Variants in STATH observed in about 807,000 individuals in gnomAD.
STATH encodes the protein statherin.
STATH carries 11 observed loss-of-function variants against 13.3 expected under a neutral mutation model. The ratio of observed to expected loss-of-function variants is 0.83; its 90% CI spans 0.52 to 1.37. The LOEUF is 1.37. Ranked by LOEUF, STATH falls within the 40% of genes most tolerant of loss-of-function variation. The pLI is 0.00. For missense variants in STATH, 78 were observed against 73.3 expected, an observed-to-expected ratio of 1.06 and a Z score of -0.24; for synonymous variants, 25 against 23.6, an observed-to-expected ratio of 1.06 and a Z score of -0.17.
intron 2 of STATH, chr4:69,999,262 A>G (rs1382638199): frequency 6.1e-6 from 1 of 164,476 alleles, no homozygotes; most frequent in Non-Finnish European, 1.3e-5. Flanking sequence ...TCTAAAAAAT[A>G]AAAAATAAAA....
At chr4:70,001,397 G>T (rs970279267) in intron 5 of STATH, among the ~76,000 whole-genome samples, 1 of 151,782 alleles carries the variant, frequency 6.6e-6, no homozygotes, top group Non-Finnish European at 1.5e-5. Context: ...TAACTGCAGG[G>T]CTTCCCTGCC....
chr4:69,998,661 GAATA>G (rs933933542), intron 2 of STATH, 173 bp downstream of exon 2: 8 of 449,146 alleles, frequency 1.8e-5, no homozygotes, highest in Admixed American at 3.8e-5. Flanking sequence ...TAAGGATTTA[GAATA>G]AATAGTCATT....
At position 70,000,992 on chromosome 4, in the gene STATH, G is replaced by T; in HGVS notation, c.*33+10G>T. The T allele has an allele frequency of 6.4e-7, 1 of 1,556,732 alleles. No individual in the cohort carries two copies. The highest frequency in any genetic ancestry group is 8.9e-7 in the Non-Finnish European group (1 of 1,128,596). On this transcript the variant is annotated intron_variant, in intron 5 of 5. Transcript: ENST00000246895. ...GGACATGATTATTGAGGTAAGATGGGTTTAGTGACATTTTTTTTACTTTCT... is the reference window on the plus strand; with the variant it reads ...GGACATGATTATTGAGGTAAGATGGTTTTAGTGACATTTTTTTTACTTTCT...
intron 4 of STATH, 91 bp from the exon 5 acceptor site, chr4:70,000,772 A>G: frequency 1.3e-5 from 12 of 953,122 alleles, no homozygotes; most frequent in Non-Finnish European, 1.6e-5. Flanking sequence ...GTAAGTTCCT[A>G]AAACTTTAAC....
At chr4:69,997,729 C>A (rs1487321155) in intron 1 of STATH, among the ~76,000 whole-genome samples, 1 of 152,024 alleles carries the variant, frequency 6.6e-6, no homozygotes, top group Non-Finnish European at 1.5e-5. Context: ...AGAGGAGGTA[C>A]GAATATTTTC....
chr4:69,995,966 A>T lies in STATH; in HGVS notation c.-75A>T, dbSNP rs914737283. Reference sequence around the variant, plus strand: ...ATACATTGGCCCTCTAGGGTAGCACATCATCTCTTGAAGCTTCACTTCAAC... The same window carrying T: ...ATACATTGGCCCTCTAGGGTAGCACTTCATCTCTTGAAGCTTCACTTCAAC... On this transcript the variant is annotated 5_prime_UTR_variant, in exon 1 of 6. Coordinates refer to ENST00000246895, the MANE Select transcript of STATH (RefSeq NM_003154.3). 2 of 152,212 alleles carry T rather than the reference A, an allele frequency of 1.3e-5. No homozygotes were observed. The highest frequency in any genetic ancestry group is 2.9e-5 in the Non-Finnish European group (2 of 68,036). 9.4% of individuals were successfully genotyped at this position (152,212 alleles called of 1,614,324 possible). A position where few individuals can be genotyped will look rare whatever the true frequency, so the allele number is the denominator to read the frequency against.
chr4:70,000,169 C>A (rs576272519), intron 4 of STATH: 7 of 206,642 alleles, frequency 3.4e-5, no homozygotes, highest in African/African-American at 2.3e-5. Flanking sequence ...GGTAAGTTTG[C>A]ACCTTCTGAT....
At chr4:69,996,664 T>C (rs1446963169) in intron 1 of STATH, among the ~76,000 whole-genome samples, 3 of 152,024 alleles carry the variant, frequency 2.0e-5, no homozygotes, top group African/African-American at 7.2e-5. Context: ...GGGGAAATAT[T>C]TTTTTAAAAC....
Position 70,000,916 on chromosome 4 carries a change from A to C in STATH, c.156A>C (p.Pro52=). 1 of 1,612,250 alleles carries C rather than the reference A, an allele frequency of 6.2e-7. No individual in the cohort carries two copies. Among genetic ancestry groups the C allele is most frequent in the Non-Finnish European group, 8.5e-7 (1 of 1,178,610 alleles). The change falls in exon 5 of 6, where the codon CCA becomes CCC. Residue 52 remains proline, a synonymous_variant. Transcript: ENST00000246895. ...PVPEQPLYPQ[P]YQPQYQQYTF is the part of the protein sequence containing the mutation. ...CAGAACAACCACTATACCCACAACC[A>C]TACCAACCACAATACCAACAATATA...
intron 2 of STATH, 191 bp downstream of exon 2, chr4:69,998,679 C>A (rs1049630577): frequency 7.2e-6 from 3 of 418,462 alleles, no homozygotes; most frequent in Non-Finnish European, 8.5e-6. Context: ...AGTCATTATT[C>A]ATCTACAGAC....
In STATH at chr4:69,999,818, T is replaced by C; in HGVS notation, c.102+9T>C. The C allele has an allele frequency of 6.2e-7, 1 of 1,611,798 alleles. No individual in the cohort carries two copies. Among genetic ancestry groups the C allele is most frequent in the African/African-American group, 1.3e-5 (1 of 74,934 alleles). On this transcript the variant is annotated intron_variant, in intron 4 of 5. Coordinates refer to ENST00000246895, the MANE Select transcript of STATH (RefSeq NM_003154.3). ...GAATTGGAAGATTCGGTGTAAGTGT[T>C]CTCTGATAATGCTGTGTAGTCCAAA...
chr4:69,999,740 A>T (rs764121004), intron 3 of STATH, 40 bp from the exon 4 acceptor site: 6 of 1,611,584 alleles, frequency 3.7e-6, no homozygotes, highest in Non-Finnish European at 5.1e-6. Context: ...TCCTCCCTAC[A>T]TTTGTATTGA....
Position 69,999,565 on chromosome 4 carries a change from A to G in STATH, c.52-102A>G, listed in dbSNP as rs1032457473. The G allele has an allele frequency of 4.5e-5, 52 of 1,151,206 alleles. No individual in the cohort carries two copies. In the Middle Eastern group the frequency reaches 1.7e-3, roughly 38 times the overall value. The allele number at this position is 1,151,206 out of a possible 1,614,324, so 71.3% of individuals were successfully genotyped here. A position where few individuals can be genotyped will look rare whatever the true frequency, so the allele number is the denominator to read the frequency against. On this transcript the variant is annotated intron_variant, in intron 2 of 5. Transcript: ENST00000246895. ...TAGTGTCTATCGATGATTTGCCTAC[A>G]TCCTGTTTACTCACAACTGTAGCTG...
rs1380720185 is a variant in STATH at position 70,002,199 on chromosome 4, C to T, written c.*44C>T. On this transcript the variant is annotated 3_prime_UTR_variant, in exon 6 of 6. Transcript: ENST00000246895. The stretch of plus-strand genomic sequence containing the variant: ...TTTTTTTCTGTGCAGGCTTGATTGG[C>T]AAATACGACTTCTACATCCATATTC... 6 of 151,190 alleles carry T rather than the reference C, an allele frequency of 4.0e-5. No individual in the cohort carries two copies. Among genetic ancestry groups the T allele is most frequent in the African/African-American group, 1.2e-4 (5 of 41,246 alleles). 9.4% of individuals were successfully genotyped at this position (151,190 alleles called of 1,614,324 possible). A position where few individuals can be genotyped will look rare whatever the true frequency, so the allele number is the denominator to read the frequency against.
Position 69,999,576 on chromosome 4 carries a change from T to C in STATH, c.52-91T>C, listed in dbSNP as rs1007104786. 9.2e-6 allele frequency: 12 copies of C among 1,305,266 alleles called. No individual in the cohort carries two copies. The South Asian group carries it at 1.6e-4, about 17-fold the overall frequency. 80.9% of individuals were successfully genotyped at this position (1,305,266 alleles called of 1,614,324 possible). ...GATGATTTGCCTACATCCTGTTTACTCACAACTGTAGCTGCTGAGTTCATT... is the reference window on the plus strand; with the variant it reads ...GATGATTTGCCTACATCCTGTTTACCCACAACTGTAGCTGCTGAGTTCATT... On this transcript the variant is annotated intron_variant, in intron 2 of 5. Coordinates refer to ENST00000246895, the MANE Select transcript of STATH (RefSeq NM_003154.3).
chr4:69,996,995 T>C (rs927073399), intron 1 of STATH, among the ~76,000 whole-genome samples: 1 of 148,150 alleles, frequency 6.7e-6, no homozygotes, highest in African/African-American at 2.5e-5. Context: ...TGGAGTGCAA[T>C]GGTGCAATCT....
At chr4:70,000,691 T>C in intron 4 of STATH, 172 bp from the exon 5 acceptor site, 1 of 582,224 alleles carries the variant, frequency 1.7e-6, no homozygotes, top group South Asian at 2.3e-5. Flanking sequence ...TTTTACCTGC[T>C]TTTAAAATGT....
intron 1 of STATH, 106 bp from the exon 2 acceptor site, chr4:69,998,317 A>G (rs935679647): frequency 1.1e-5 from 8 of 750,526 alleles, no homozygotes; most frequent in African/African-American, 5.2e-5. Flanking sequence ...TTGTCTTTCT[A>G]TCTGGAGTGT....
chr4:70,000,787 T>C, intron 4 of STATH, 76 bp from the exon 5 acceptor site: 2 of 1,077,694 alleles, frequency 1.9e-6, no homozygotes, highest in African/African-American at 1.6e-5. Context: ...TTTAACAATC[T>C]AAGCTTCTAA....
Sources: allele counts gnomAD v4.1 joint callset (sites outside exome capture counted in the v4.1 genomes callset), GRCh38; gene constraint gnomAD v4.1.1; transcripts MANE v1.5; gene names NCBI Gene and HGNC (gene_info 2026-07-23, HGNC 2026-07-21).